SASH1: variants seen among roughly 807,000 people sequenced by gnomAD.
SASH1 encodes SAM and SH3 domain-containing protein 1.
Under a neutral mutation model 125.2 loss-of-function variants are expected in SASH1, and 44 were observed. The ratio of observed to expected loss-of-function variants is 0.35; its 90% CI spans 0.28 to 0.45. SASH1 has a LOEUF of 0.45. SASH1 is among the 20% of genes least tolerant of loss of function. The pLI, the probability that SASH1 is intolerant of heterozygous loss-of-function variation, is 1.00. For synonymous variants in SASH1, 639 were observed against 649.1 expected, an observed-to-expected ratio of 0.98 and a Z score of 0.24; for missense variants, 1,426 against 1,614.5, an observed-to-expected ratio of 0.88 and a Z score of 2.00.
At chr6:148,232,855 T>C in the SASH1 span, among the ~76,000 whole-genome samples, 3 of 152,220 alleles carry the variant, frequency 2.0e-5, no homozygotes, top group Non-Finnish European at 4.4e-5. Context: ...GCCTGGCACC[T>C]GGCAGAGAGC....
At position 148,387,663 on chromosome 6, in the gene SASH1, T is replaced by G. The variant is rs1415667961; in HGVS notation, c.157-2471T>G. ...TTCTTTCTTTCTTTCTTTCTTTCTT[T>G]CTTTCTTTCTTTCTTTCTTTCTTTC... On this transcript the variant is annotated intron_variant, in intron 1 of 19. Coordinates refer to ENST00000367467, the MANE Select transcript of SASH1 (RefSeq NM_015278.5). Among the ~76,000 whole-genome samples the G allele has an allele frequency of 1.4e-4, 14 of 100,500 alleles. 1 individual carries two copies. The highest frequency in any genetic ancestry group is 5.8e-4 in the African/African-American group (14 of 24,000). 65.9% of individuals were successfully genotyped at this position (100,500 alleles called of 152,430 possible).
At chr6:148,369,878 G>A (rs751244703) in intron 1 of SASH1, among the ~76,000 whole-genome samples, 4 of 149,520 alleles carry the variant, frequency 2.7e-5, no homozygotes, top group Non-Finnish European at 4.4e-5. Context: ...CGCTTGAACC[G>A]GAGAGGCAGA....
At chr6:148,382,381 C>G (rs137925397) in intron 1 of SASH1, among the ~76,000 whole-genome samples, 2,169 of 152,280 alleles carry the variant, frequency 0.014, 17 homozygotes, top group Middle Eastern at 0.031. Context: ...CCTCCGCCTC[C>G]TGGGTTCAAG....
At chr6:148,503,571 C>T (rs1375825747) in intron 8 of SASH1, among the ~76,000 whole-genome samples, 2 of 152,268 alleles carry the variant, frequency 1.3e-5, no homozygotes, top group East Asian at 3.9e-4. Flanking sequence ...CTACGGTGCA[C>T]ACCAGGGGCC....
chr6:148,195,286 C>T, the SASH1 span, among the ~76,000 whole-genome samples: 1 of 152,194 alleles, frequency 6.6e-6, no homozygotes. Context: ...CAGAGAGGAA[C>T]ATCTGTGCTC....
At chr6:148,349,317 C>G (rs990480694) in intron 1 of SASH1, among the ~76,000 whole-genome samples, 3 of 112,990 alleles carry the variant, frequency 2.7e-5, no homozygotes, top group Non-Finnish European at 4.9e-5. Context: ...GCTGGAGTTA[C>G]AGTGGCGCGA....
the SASH1 span, among the ~76,000 whole-genome samples, chr6:148,264,447 A>G: frequency 6.6e-6 from 1 of 152,240 alleles, no homozygotes; most frequent in East Asian, 1.9e-4. Context: ...TCTAAACACC[A>G]CAAGAATTAC....
intron 8 of SASH1, among the ~76,000 whole-genome samples, chr6:148,499,336 T>C (rs902858449): frequency 6.6e-6 from 1 of 152,232 alleles, no homozygotes; most frequent in East Asian, 1.9e-4. Flanking sequence ...ATTAGTATTA[T>C]GCTAATAGCA....
At chr6:148,260,286 G>T in the SASH1 span, among the ~76,000 whole-genome samples, 2 of 152,048 alleles carry the variant, frequency 1.3e-5, no homozygotes, top group African/African-American at 4.8e-5. Flanking sequence ...TGAAATATTT[G>T]TTGGAAAGTG....
intron 2 of SASH1, among the ~76,000 whole-genome samples, chr6:148,424,604 C>T (rs1029240212): frequency 7.2e-5 from 11 of 152,318 alleles, no homozygotes; most frequent in Middle Eastern, 3.4e-3. Flanking sequence ...CTCCTGGCCT[C>T]TAAGGATCTT....
chr6:148,293,857 G>A (rs1014932088), intron 1 of SASH1, among the ~76,000 whole-genome samples: 9 of 152,166 alleles, frequency 5.9e-5, no homozygotes, highest in African/African-American at 1.9e-4. Context: ...AAAAGCAAAG[G>A]TTCTAGTCTC....
the SASH1 span, among the ~76,000 whole-genome samples, chr6:148,248,386 A>G: frequency 3.4e-3 from 521 of 152,340 alleles, 4 homozygotes; most frequent in African/African-American, 0.012. Context: ...AAAAGAAGAA[A>G]GAATGGGTGT....
intron 1 of SASH1, among the ~76,000 whole-genome samples, chr6:148,311,269 G>A (rs985998559): frequency 6.6e-6 from 1 of 151,736 alleles, no homozygotes; most frequent in Non-Finnish European, 1.5e-5. Flanking sequence ...ACTATGCCCA[G>A]CTAATTTTTT....
At chr6:148,476,064 A>G (rs1778325514) in intron 7 of SASH1, among the ~76,000 whole-genome samples, 1 of 152,126 alleles carries the variant, frequency 6.6e-6, no homozygotes, top group African/African-American at 2.4e-5. Flanking sequence ...CCACTGAAAA[A>G]CTATTAGAAC....
intron 4 of SASH1, among the ~76,000 whole-genome samples, chr6:148,457,667 C>A (rs1211765576): frequency 1.3e-5 from 2 of 152,134 alleles, no homozygotes; most frequent in Non-Finnish European, 2.9e-5. Flanking sequence ...CGTTTCTTCG[C>A]CACTAACTGT....
intron 1 of SASH1, among the ~76,000 whole-genome samples, chr6:148,367,407 G>GT (rs11438033): frequency 0.7 from 107,106 of 152,086 alleles, 37,988 homozygotes; most frequent in African/African-American, 0.78. Flanking sequence ...GCTTAGCTTG[G>GT]TTTTTAGTTG....
At chr6:148,194,240 G>A in the SASH1 span, among the ~76,000 whole-genome samples, 4 of 152,162 alleles carry the variant, frequency 2.6e-5, no homozygotes, top group African/African-American at 9.7e-5. Context: ...AGATGATCAT[G>A]TCATTTTATA....
intron 8 of SASH1, among the ~76,000 whole-genome samples, chr6:148,505,459 G>A (rs1314300080): frequency 6.6e-6 from 1 of 151,602 alleles, no homozygotes; most frequent in Non-Finnish European, 1.5e-5. Flanking sequence ...GATTACAGAT[G>A]TGCACTATGC....
At chr6:148,412,782 T>C (rs1176037894) in intron 2 of SASH1, among the ~76,000 whole-genome samples, 1 of 152,060 alleles carries the variant, frequency 6.6e-6, no homozygotes, top group Non-Finnish European at 1.5e-5. Context: ...CACATTTCAA[T>C]ATGAGATTTA....
Sources: allele counts gnomAD v4.1 joint callset (sites outside exome capture counted in the v4.1 genomes callset), GRCh38; gene constraint gnomAD v4.1.1; transcripts MANE v1.5; gene names NCBI Gene and HGNC (gene_info 2026-07-23, HGNC 2026-07-21).